The following TET3 variants were observed in gnomAD, a reference collection of about 807,000 sequenced individuals.
TET3 encodes methylcytosine dioxygenase TET3.
In TET3, 19 loss-of-function variants were observed where a neutral mutation model predicts 141.4. The observed-to-expected ratio is 0.13, with a 90% confidence interval of 0.09 to 0.20. The LOEUF (loss-of-function observed/expected upper bound fraction) is 0.20, where lower values mean the gene tolerates loss of function less well. Among genes scored for constraint, TET3 ranks in the 10% least tolerant of loss-of-function variants. TET3 has a pLI of 1.00. For synonymous variants in TET3, 1,043 were observed against 980.9 expected (o/e 1.06, Z -1.18); for missense variants, 1,874 against 2,356.9 (o/e 0.80, Z 4.24).
intron 4 of TET3, among the ~76,000 whole-genome samples, chr2:74,067,420 A>T (rs556452400): frequency 6.6e-6 from 1 of 152,144 alleles, no homozygotes; most frequent in Non-Finnish European, 1.5e-5. Flanking sequence ...TTATGTGCCA[A>T]ATACTGTGCT....
the TET3 span, chr2:74,135,498 A>C: frequency 6.5e-7 from 1 of 1,549,328 alleles, no homozygotes; most frequent in Non-Finnish European, 8.9e-7. Flanking sequence ...TATGAGCAAA[A>C]TATATAAATT....
At chr2:74,123,987 C>CACT in the TET3 span, among the ~76,000 whole-genome samples, 2 of 144,868 alleles carry the variant, frequency 1.4e-5, no homozygotes, top group African/African-American at 2.6e-5. Flanking sequence ...TCTGCCCGGC[C>CACT]GCCCCGTCTG....
At chr2:74,056,724 T>G (rs897078544) in intron 4 of TET3, among the ~76,000 whole-genome samples, 7 of 152,206 alleles carry the variant, frequency 4.6e-5, no homozygotes, top group Non-Finnish European at 8.8e-5. Flanking sequence ...GGTAAAATAC[T>G]CCTTTCCTGA....
In TET3 at chr2:74,051,306, G is replaced by A. The variant is rs574631107; in HGVS notation, c.2494+2895G>A. ...AGAGAAACCAGACCTCCAGGAACTG[G>A]GAGCTAACAACACTTTGTATTATTA... On this transcript the variant is annotated intron_variant, in intron 4 of 11. Coordinates refer to ENST00000409262, the MANE Select transcript of TET3 (RefSeq NM_001287491.2). Among the ~76,000 whole-genome samples, 91 of 152,250 alleles carry A rather than the reference G, an allele frequency of 6.0e-4. 1 individual carries two copies. The highest frequency in any genetic ancestry group is 5.8e-3 in the South Asian group (28 of 4,822).
intron 2 of TET3, among the ~76,000 whole-genome samples, chr2:73,998,113 G>A (rs551678784): frequency 1.1e-4 from 17 of 152,178 alleles, no homozygotes; most frequent in South Asian, 2.1e-4. Context: ...TGGGTACCGC[G>A]TGAGAATCCT....
chr2:73,992,301 T>TTTTCTTTTTTTTTTTCTTTTTTTTC (rs1553411622), intron 2 of TET3, among the ~76,000 whole-genome samples: 11 of 145,496 alleles, frequency 7.6e-5, no homozygotes, highest in South Asian at 4.2e-4. Context: ...TCTTTTTTTC[T>TTTTCTTTTTTTTTTTCTTTTTTTTC]TTTCTTTTTT....
Position 74,100,563 on chromosome 2 carries a change from T to C in TET3, c.3775T>C (p.Ser1259Pro), listed in dbSNP as rs1572903830. 6.2e-7 allele frequency: 1 copy of C among 1,613,434 alleles called. No individual in the cohort carries two copies. The highest frequency in any genetic ancestry group is 1.1e-5 in the South Asian group (1 of 90,892). Residue 1259 changes from serine (S) to proline (P), a missense_variant, in exon 12 of 12, where the codon TCC becomes CCC. By Grantham distance (74) the Ser-to-Pro change is moderately conservative. Transcript: ENST00000409262. ...SDPYSMNSVY[S>P]YHSYYAQPSL... ...CCCTTACAGCATGAACAGCGTGTAC[T>C]CCTACCACTCCTACTATGCACAGCC...
the TET3 span, chr2:74,134,752 A>G: frequency 2.2e-6 from 1 of 456,594 alleles, no homozygotes; most frequent in African/African-American, 2.0e-5. Flanking sequence ...CTGGAGCCCA[A>G]ATCACACTGC....
chr2:74,009,488 G>A (rs1000198012), intron 3 of TET3, among the ~76,000 whole-genome samples: 5 of 152,222 alleles, frequency 3.3e-5, no homozygotes, highest in African/African-American at 1.2e-4. Context: ...AGGAAACTGT[G>A]CCTTCACCAC....
At chr2:74,028,675 G>T (rs1332402324) in intron 3 of TET3, among the ~76,000 whole-genome samples, 1 of 151,988 alleles carries the variant, frequency 6.6e-6, no homozygotes, top group African/African-American at 2.4e-5. Flanking sequence ...TGTATTGTTT[G>T]GTATTAACAT....
chr2:74,064,730 G>C (rs1011252290), intron 4 of TET3, among the ~76,000 whole-genome samples: 1 of 152,036 alleles, frequency 6.6e-6, no homozygotes, highest in African/African-American at 2.4e-5. Flanking sequence ...ATACTGGAAC[G>C]CTTTTTGGAG....
rs1691423451 is a variant in TET3, at chr2:74,105,057, T to A, written c.*2881T>A. On this transcript the variant is annotated 3_prime_UTR_variant, in exon 12 of 12. Coordinates refer to ENST00000409262, the MANE Select transcript of TET3 (RefSeq NM_001287491.2). ...CAGCTCTTTATCCCCCCCTTGCTGC[T>A]GAAGCTTTCTTAAAGAGAAAAATCA... 1 of 397,788 alleles carries A rather than the reference T, an allele frequency of 2.5e-6. No homozygotes were observed. The highest frequency in any genetic ancestry group is 1.4e-4 in the South Asian group (1 of 7,140). The allele number at this position is 397,788 out of a possible 1,614,324, so 24.6% of individuals were successfully genotyped here.
chr2:74,123,159 A>C, the TET3 span: 1 of 152,248 alleles, frequency 6.6e-6, no homozygotes, highest in Non-Finnish European at 1.5e-5. Context: ...TGGAAAAATG[A>C]AGATGAAAAG....
Position 74,093,032 on chromosome 2 carries a change from C to T in TET3, c.3129+41C>T. The T allele has an allele frequency of 6.6e-7, 1 of 1,523,702 alleles. No homozygotes were observed. The highest frequency in any genetic ancestry group is 8.9e-7 in the Non-Finnish European group (1 of 1,121,464). The allele number at this position is 1,523,702 out of a possible 1,614,324, so 94.4% of individuals were successfully genotyped here. On this transcript the variant is annotated intron_variant, in intron 9 of 11. Transcript: ENST00000409262. This position sits in a 1 kb window ranked among gnomAD's most constrained non-coding sequence, Gnocchi z 4.2. ...CCTTTTGCTGCCCACATGTCACCGT[C>T]CACATCTCTGCTCAGGCTCTGAAGG...
chr2:74,073,672 G>C (rs781664423), intron 5 of TET3, 33 bp downstream of exon 5: 1 of 1,541,068 alleles, frequency 6.5e-7, no homozygotes, highest in African/African-American at 1.4e-5. Flanking sequence ...AGGAGAAATG[G>C]ATGTGCTGTT....
rs201237225 is a variant in TET3, at chr2:74,047,194, C to T, written c.1277C>T (p.Pro426Leu). Reference protein sequence around the residue: ...SFAPDSSAFPPATPRTEFPEA... With the variant: ...SFAPDSSAFPLATPRTEFPEA... ...GCTCCTGATAGCTCTGCCTTCCCTC[C>T]AGCAACTCCTAGAACTGAGTTCCCT... Residue 426 changes from proline (P) to leucine (L), a missense_variant, in exon 4 of 12, where the codon CCA (proline) becomes CTA (leucine). Coordinates refer to ENST00000409262, the MANE Select transcript of TET3 (RefSeq NM_001287491.2). The T allele has an allele frequency of 7.9e-5, 128 of 1,614,006 alleles. No individual in the cohort carries two copies. In the African/African-American group the frequency reaches 1.4e-3, roughly 18 times the overall value.
At position 74,046,440 on chromosome 2, in the gene TET3, C is replaced by A; in HGVS notation, c.523C>A (p.Arg175=). 1 of 1,600,448 alleles carries A rather than the reference C, an allele frequency of 6.2e-7. No homozygotes were observed. The highest frequency in any genetic ancestry group is 1.1e-5 in the South Asian group (1 of 88,432). The change falls in exon 4 of 12, where the codon CGG becomes AGG. Residue 175 remains arginine (R), a synonymous_variant. Coordinates refer to ENST00000409262, the MANE Select transcript of TET3 (RefSeq NM_001287491.2). This position sits in a 1 kb window ranked among gnomAD's most constrained non-coding sequence, Gnocchi z 4.3. The stretch of plus-strand genomic sequence containing the variant: ...TCTGCTGGGGACTGGGGGTCCTTGG[C>A]GGGTAGACCAAAAGCCCGACTGGGA... ...PSLLGTGGPW[R]VDQKPDWEAA...
chr2:73,991,541 G>T (rs1684323237), intron 2 of TET3, among the ~76,000 whole-genome samples: 1 of 152,034 alleles, frequency 6.6e-6, no homozygotes, highest in South Asian at 2.1e-4. Flanking sequence ...CCACTGATAC[G>T]ACTGCCCTGT....
intron 6 of TET3, among the ~76,000 whole-genome samples, chr2:74,081,719 A>G (rs1689838704): frequency 6.6e-6 from 1 of 152,216 alleles, no homozygotes; most frequent in Non-Finnish European, 1.5e-5. Flanking sequence ...GACATATGCT[A>G]CAACATGTGT....
Sources: gnomAD v4.1 joint callset for allele counts (sites outside exome capture counted in the v4.1 genomes callset) on GRCh38, gnomAD v4.1.1 for gene constraint, Gnocchi (gnomAD v3.1) non-coding constraint, MANE v1.5 for transcripts, NCBI Gene and HGNC (gene_info 2026-07-23, HGNC 2026-07-21) for gene names.